The following SLC24A2 variants were observed in gnomAD, a reference collection of about 807,000 sequenced individuals.
SLC24A2 encodes solute carrier family 24 member 2, also known as sodium/potassium/calcium exchanger 2.
A neutral mutation model predicts 62.0 loss-of-function variants in SLC24A2; 36 were observed. The ratio of observed to expected loss-of-function variants is 0.58; its 90% CI spans 0.44 to 0.77. The LOEUF is 0.77. Ranked by LOEUF, SLC24A2 falls within the 30% of genes least tolerant of loss-of-function variation. The pLI is 0.00. For synonymous variants in SLC24A2, 358 were observed against 294.0 expected, an observed-to-expected ratio of 1.22 and a Z score of -2.23; for missense variants, 846 against 817.9, an observed-to-expected ratio of 1.03 and a Z score of -0.42.
chr9:19,790,530 CAAA>C (rs3086381), upstream of SLC24A2, among the ~76,000 whole-genome samples: 4 of 122,404 alleles, frequency 3.3e-5, no homozygotes, highest in Non-Finnish European at 3.3e-5. Flanking sequence ...ATTTGAGCAT[CAAA>C]AAAAAAAAAA....
At chr9:20,016,772 G>A in the SLC24A2 span, among the ~76,000 whole-genome samples, 3 of 151,982 alleles carry the variant, frequency 2.0e-5, no homozygotes, top group South Asian at 2.1e-4. Flanking sequence ...AAAAGATAGG[G>A]GAGGATACAC....
At chr9:20,173,194 G>A in the SLC24A2 span, among the ~76,000 whole-genome samples, 3 of 151,908 alleles carry the variant, frequency 2.0e-5, no homozygotes, top group African/African-American at 7.2e-5. Context: ...TTTAATAAAA[G>A]CCACCTGTGA....
chr9:20,233,941 G>T, the SLC24A2 span, among the ~76,000 whole-genome samples: 3 of 152,180 alleles, frequency 2.0e-5, no homozygotes, highest in African/African-American at 7.2e-5. Flanking sequence ...AAATCTCTCA[G>T]CTTTTGCTTG....
At chr9:19,831,818 T>C in the SLC24A2 span, among the ~76,000 whole-genome samples, 1 of 152,226 alleles carries the variant, frequency 6.6e-6, no homozygotes, top group Non-Finnish European at 1.5e-5. Flanking sequence ...AGAGCCAAGA[T>C]ATGCCATTCA....
chr9:20,069,400 G>C, the SLC24A2 span, among the ~76,000 whole-genome samples: 1 of 151,984 alleles, frequency 6.6e-6, no homozygotes, highest in Non-Finnish European at 1.5e-5. Context: ...ATATATAATT[G>C]GCTATTTAAA....
At chr9:19,670,562 T>A (rs950792984) in intron 2 of SLC24A2, among the ~76,000 whole-genome samples, 1 of 152,232 alleles carries the variant, frequency 6.6e-6, no homozygotes, top group Non-Finnish European at 1.5e-5. Flanking sequence ...ATTTCATTGC[T>A]ATTATTATTC....
intron 2 of SLC24A2, among the ~76,000 whole-genome samples, chr9:19,622,608 A>G (rs1159123692): frequency 6.6e-6 from 1 of 152,238 alleles, no homozygotes; most frequent in African/African-American, 2.4e-5. Context: ...GTGATCATTA[A>G]AATGAATGAG....
intron 9 of SLC24A2, 69 bp from the exon 10 acceptor site, chr9:19,521,129 T>A (rs948603077): frequency 1.4e-6 from 2 of 1,411,802 alleles, no homozygotes; most frequent in African/African-American, 2.8e-5. Context: ...CACAAAAATT[T>A]CAATGCGACC....
the SLC24A2 span, among the ~76,000 whole-genome samples, chr9:19,825,735 C>G: frequency 6.6e-6 from 1 of 151,936 alleles, no homozygotes; most frequent in Non-Finnish European, 1.5e-5. Flanking sequence ...GTCTCTTGCA[C>G]TAGAACAGAT....
intron 5 of SLC24A2, among the ~76,000 whole-genome samples, chr9:19,581,266 C>G (rs772031146): frequency 6.6e-6 from 1 of 152,142 alleles, no homozygotes; most frequent in Non-Finnish European, 1.5e-5. Flanking sequence ...TTGAGAAGGT[C>G]AAGGTGATAG....
chr9:20,271,780 G>A, the SLC24A2 span, among the ~76,000 whole-genome samples: 6 of 152,038 alleles, frequency 3.9e-5, no homozygotes, highest in Non-Finnish European at 7.3e-5. Context: ...GAATGAGTTT[G>A]CAAAATGCAT....
the SLC24A2 span, among the ~76,000 whole-genome samples, chr9:20,157,335 A>G: frequency 6.6e-6 from 1 of 151,684 alleles, no homozygotes; most frequent in Non-Finnish European, 1.5e-5. Flanking sequence ...ACCCACAAGA[A>G]ATAACACTAA....
intron 4 of SLC24A2, among the ~76,000 whole-genome samples, chr9:19,619,142 C>T (rs574232195): frequency 2.6e-5 from 4 of 152,312 alleles, no homozygotes; most frequent in Admixed American, 6.5e-5. Context: ...CTGCCATGAA[C>T]ATCACTCCCC....
intron 8 of SLC24A2, among the ~76,000 whole-genome samples, chr9:19,535,767 G>A (rs1319126665): frequency 6.6e-6 from 1 of 152,032 alleles, no homozygotes; most frequent in African/African-American, 2.4e-5. Context: ...CTAGTTTGGA[G>A]TCAGGTAGTG....
chr9:19,756,056 T>C (rs188402069), intron 2 of SLC24A2, among the ~76,000 whole-genome samples: 8 of 152,328 alleles, frequency 5.3e-5, no homozygotes, highest in African/African-American at 1.4e-4. Flanking sequence ...GCCAGGTTCC[T>C]GACCATGGCA....
intron 4 of SLC24A2, among the ~76,000 whole-genome samples, chr9:19,610,999 G>C (rs1335282850): frequency 6.6e-6 from 1 of 152,216 alleles, no homozygotes; most frequent in Non-Finnish European, 1.5e-5. Context: ...CGTTCACGGG[G>C]ACAAGTGTTA....
intron 7 of SLC24A2, among the ~76,000 whole-genome samples, chr9:19,560,132 C>T (rs547755532): frequency 2.6e-5 from 4 of 152,120 alleles, no homozygotes; most frequent in Non-Finnish European, 4.4e-5. Flanking sequence ...GAGGATAAAG[C>T]ATCATTTGCT....
intron 2 of SLC24A2, among the ~76,000 whole-genome samples, chr9:19,624,532 A>T (rs778657877): frequency 6.6e-6 from 1 of 152,194 alleles, no homozygotes; most frequent in East Asian, 1.9e-4. Context: ...ATCATAAAAC[A>T]TAAAAAGTGG....
the SLC24A2 span, among the ~76,000 whole-genome samples, chr9:20,111,895 G>A: frequency 6.6e-6 from 1 of 152,114 alleles, no homozygotes; most frequent in Non-Finnish European, 1.5e-5. Flanking sequence ...AAAAGTTGAA[G>A]AATCTTGTGT....
Sources: gnomAD v4.1 joint callset for allele counts (sites outside exome capture counted in the v4.1 genomes callset) on GRCh38, gnomAD v4.1.1 for gene constraint, MANE v1.5 for transcripts, NCBI Gene and HGNC (gene_info 2026-07-23, HGNC 2026-07-21) for gene names.